The following DLGAP1 variants were observed in gnomAD, a reference collection of about 807,000 sequenced individuals.
DLGAP1 encodes DLG associated protein 1.
DLGAP1 carries 11 observed loss-of-function variants against 90.8 expected under a neutral mutation model. The observed-to-expected ratio is 0.12, with a 90% CI of 0.08 to 0.20. The LOEUF is 0.20. Among genes scored for constraint, DLGAP1 ranks in the 10% least tolerant of loss-of-function variants. The probability of loss-of-function intolerance (pLI) is 1.00; values close to 1 mark genes in which losing one functional copy is unlikely to be tolerated. For synonymous variants in DLGAP1, 558 were observed against 540.7 expected, an observed-to-expected ratio of 1.03 and a Z score of -0.44; for missense variants, 1,050 against 1,333.8, an observed-to-expected ratio of 0.79 and a Z score of 3.31.
chr18:4,418,294 CA>C (rs939537122), intron 1 of DLGAP1, among the ~76,000 whole-genome samples: 3 of 152,076 alleles, frequency 2.0e-5, no homozygotes, highest in African/African-American at 7.2e-5. Flanking sequence ...GCAATAAAAA[CA>C]TAAAGTATAT....
chr18:4,032,935 CA>C (rs2074822816), intron 2 of DLGAP1, among the ~76,000 whole-genome samples: 1 of 152,078 alleles, frequency 6.6e-6, no homozygotes, highest in Non-Finnish European at 1.5e-5. Context: ...TAAGTAAATA[CA>C]CATTGAATTA....
At chr18:3,718,191 C>T (rs982631483) in intron 7 of DLGAP1, among the ~76,000 whole-genome samples, 4 of 152,210 alleles carry the variant, frequency 2.6e-5, no homozygotes, top group South Asian at 2.1e-4. Flanking sequence ...CCCGGTGCAG[C>T]GGCTCATGCC....
At chr18:3,884,683 A>C (rs1258241191) in intron 3 of DLGAP1, among the ~76,000 whole-genome samples, 1 of 152,236 alleles carries the variant, frequency 6.6e-6, no homozygotes, top group East Asian at 1.9e-4. Context: ...TAAATTAATC[A>C]TACACAGTGT....
At chr18:3,676,681 C>T (rs1196623427) in intron 7 of DLGAP1, among the ~76,000 whole-genome samples, 1 of 124,572 alleles carries the variant, frequency 8.0e-6, no homozygotes, top group East Asian at 3.0e-4. Flanking sequence ...CAATTTGAGG[C>T]TACTTCTCCT....
chr18:4,058,213 C>T (rs1296134226), intron 2 of DLGAP1, among the ~76,000 whole-genome samples: 2 of 151,804 alleles, frequency 1.3e-5, no homozygotes, highest in Non-Finnish European at 3.0e-5. Flanking sequence ...ACCTGCCAGA[C>T]AGTCCACATT....
rs2049805993 is a variant in DLGAP1, at chr18:3,499,305, G to A, written c.2814C>T (p.Arg938=). 6.3e-7 allele frequency: 1 copy of A among 1,580,700 alleles called. No homozygotes were observed. Among genetic ancestry groups the A allele is most frequent in the Non-Finnish European group, 8.6e-7 (1 of 1,164,512 alleles). The change falls in exon 13 of 13, where the codon CGC becomes CGT. Residue 938 remains arginine, a synonymous_variant. Transcript: ENST00000315677. The surrounding 1 kb of genome is among the most constrained non-coding windows in gnomAD (Gnocchi z 6.4). ...IRERSLESSQ[R]QEARKRLMAA... The stretch of plus-strand genomic sequence containing the variant: ...CCATCAGGCGCTTGCGGGCCTCCTG[G>A]CGCTGCGAGCTCTCCAGCGAGCGCT...
At chr18:3,889,545 G>A (rs1024749889) in intron 3 of DLGAP1, among the ~76,000 whole-genome samples, 1 of 152,284 alleles carries the variant, frequency 6.6e-6, no homozygotes, top group African/African-American at 2.4e-5. Context: ...CCCCAAAAGT[G>A]CAGACATTAA....
At chr18:4,052,011 C>T (rs1568370210) in intron 2 of DLGAP1, among the ~76,000 whole-genome samples, 1 of 152,210 alleles carries the variant, frequency 6.6e-6, no homozygotes, top group African/African-American at 2.4e-5. Context: ...AGTGGGCTCC[C>T]ATGGCCTTGG....
At chr18:4,220,272 T>C (rs2078047378) in intron 1 of DLGAP1, among the ~76,000 whole-genome samples, 1 of 111,226 alleles carries the variant, frequency 9.0e-6, no homozygotes, top group Non-Finnish European at 2.1e-5. Flanking sequence ...AGACAGTACA[T>C]AAAATCTAAA....
At chr18:4,404,135 G>A (rs568290565) in intron 1 of DLGAP1, among the ~76,000 whole-genome samples, 2 of 152,112 alleles carry the variant, frequency 1.3e-5, no homozygotes, top group Non-Finnish European at 2.9e-5. Context: ...AAGGGAAGAT[G>A]GTGATAAAAA....
intron 1 of DLGAP1, among the ~76,000 whole-genome samples, chr18:4,432,929 T>A (rs1007130957): frequency 2.4e-4 from 37 of 151,982 alleles, no homozygotes; most frequent in Middle Eastern, 3.4e-3. Flanking sequence ...TAGGTCTTTT[T>A]AAAAAAAACA....
intron 7 of DLGAP1, chr18:3,721,450 A>G (rs1038157112): frequency 6.6e-6 from 1 of 152,208 alleles, no homozygotes; most frequent in Non-Finnish European, 1.5e-5. Flanking sequence ...GTAACAGGAA[A>G]TTTTAAACCC....
At chr18:4,162,891 A>G (rs1207748561) in intron 1 of DLGAP1, among the ~76,000 whole-genome samples, 2 of 150,542 alleles carry the variant, frequency 1.3e-5, no homozygotes, top group African/African-American at 5.0e-5. Flanking sequence ...AACGCACACC[A>G]TTATCTGAAA....
chr18:4,390,045 G>A (rs537469969), intron 1 of DLGAP1, among the ~76,000 whole-genome samples: 96 of 152,104 alleles, frequency 6.3e-4, no homozygotes, highest in African/African-American at 2.2e-3. Context: ...ATGAGGTATG[G>A]TTTTTGATCT....
chr18:3,545,519 G>A (rs1365346022), intron 9 of DLGAP1, among the ~76,000 whole-genome samples: 3 of 152,008 alleles, frequency 2.0e-5, no homozygotes, highest in Non-Finnish European at 4.4e-5. Flanking sequence ...AATAAAAAGC[G>A]AAACCAACTA....
chr18:3,914,843 G>A (rs2072109070), intron 3 of DLGAP1, among the ~76,000 whole-genome samples: 1 of 152,110 alleles, frequency 6.6e-6, no homozygotes, highest in Non-Finnish European at 1.5e-5. Flanking sequence ...TCCACCTCCT[G>A]GACTCAAGCG....
intron 1 of DLGAP1, among the ~76,000 whole-genome samples, chr18:4,197,528 A>G (rs1598601119): frequency 1.3e-5 from 2 of 152,222 alleles, no homozygotes; most frequent in African/African-American, 4.8e-5. Context: ...GAAGTGGCAG[A>G]GCATGACCAG....
At chr18:3,550,820 C>T (rs1185466901) in intron 9 of DLGAP1, among the ~76,000 whole-genome samples, 3 of 136,298 alleles carry the variant, frequency 2.2e-5, no homozygotes, top group Non-Finnish European at 3.1e-5. Context: ...CAGCTCACTA[C>T]AACTTCTGCC....
At chr18:4,269,877 C>G (rs1052977450) in intron 1 of DLGAP1, among the ~76,000 whole-genome samples, 2 of 152,102 alleles carry the variant, frequency 1.3e-5, no homozygotes, top group African/African-American at 2.4e-5. Flanking sequence ...CTAATTTTGT[C>G]CTGAACTTAT....
Sources: allele counts gnomAD v4.1 joint callset (sites outside exome capture counted in the v4.1 genomes callset), GRCh38; gene constraint gnomAD v4.1.1; non-coding constraint Gnocchi (gnomAD v3.1); transcripts MANE v1.5; gene names NCBI Gene and HGNC (gene_info 2026-07-23, HGNC 2026-07-21).